The following SCN1A variants were observed in gnomAD, a reference collection of about 807,000 sequenced individuals.
SCN1A encodes the protein sodium voltage-gated channel alpha subunit 1, also known as sodium channel protein type 1 subunit alpha.
In SCN1A, 13 loss-of-function variants were observed where a neutral mutation model predicts 193.7. That is an observed-to-expected ratio of 0.07 (90% CI 0.04 to 0.11). The LOEUF (loss-of-function observed/expected upper bound fraction) is 0.11. SCN1A is among the 10% of genes least tolerant of loss of function. The pLI is 1.00. For missense variants in SCN1A, 1,432 were observed against 2,451.1 expected (o/e 0.58, Z 8.78); for synonymous variants, 781 against 843.6 (o/e 0.93, Z 1.29).
intron 19 of SCN1A, among the ~76,000 whole-genome samples, chr2:166,021,664 A>T (rs1200569991): frequency 1.3e-5 from 2 of 152,196 alleles, no homozygotes; most frequent in Non-Finnish European, 2.9e-5. Flanking sequence ...AAAATGCTAT[A>T]TGCTTAGTCT....
chr2:166,146,964 TA>T (rs1468539594), intron 1 of SCN1A, among the ~76,000 whole-genome samples: 5 of 152,228 alleles, frequency 3.3e-5, no homozygotes, highest in African/African-American at 1.2e-4. Context: ...CTATATACAG[TA>T]AAAACCATTT....
rs1040981487 is a variant in SCN1A at position 165,987,330 on chromosome 2, T to G, written c.*3915A>C. On this transcript the variant is annotated 3_prime_UTR_variant, in exon 29 of 29. Transcript: ENST00000674923. ...TCTGCTGTATTTCTCCAAAGTATAC[T>G]TTCTTCTGTTTAAATTTTCTACTTA... 2.0e-5 allele frequency: 3 copies of G among 152,166 alleles called. No individual in the cohort carries two copies. The highest frequency in any genetic ancestry group is 7.2e-5 in the African/African-American group (3 of 41,454). The allele number at this position is 152,166 out of a possible 1,614,324, so 9.4% of individuals were successfully genotyped here. A position where few individuals can be genotyped will look rare whatever the true frequency, so the allele number is the denominator to read the frequency against.
At chr2:166,075,065 C>A (rs1684857012) in intron 3 of SCN1A, among the ~76,000 whole-genome samples, 1 of 152,080 alleles carries the variant, frequency 6.6e-6, no homozygotes, top group Non-Finnish European at 1.5e-5. Context: ...TCTGGTTCCC[C>A]TACAAGGCAT....
In SCN1A at chr2:165,991,188, C is replaced by T. The variant is rs539532965; in HGVS notation, c.*57G>A. 9.5e-6 allele frequency: 14 copies of T among 1,474,772 alleles called. No individual in the cohort carries two copies. The highest frequency in any genetic ancestry group is 5.6e-5 in the African/African-American group (4 of 71,300). 91.4% of individuals were successfully genotyped at this position (1,474,772 alleles called of 1,614,324 possible). On this transcript the variant is annotated 3_prime_UTR_variant, in exon 29 of 29. Coordinates refer to ENST00000674923, the MANE Select transcript of SCN1A (RefSeq NM_001165963.4). ...TAAAGGAGTCCTGTTGATAAAAATA[C>T]ATCACCTTCACAGGCTGTAAACAAT...
Position 166,096,412 on chromosome 2 carries a change from G to C in SCN1A, c.-141-18611C>G, listed in dbSNP as rs1309468996. Among the ~76,000 whole-genome samples the C allele has an allele frequency of 3.9e-5, 6 of 152,152 alleles. No homozygotes were observed. In the East Asian group the frequency reaches 1.2e-3, roughly 29 times the overall value. ...ATTCTCTGCTTCAGCTTCCCGAGTA[G>C]CTGGGATTACAGGCACCCACCACCA... is the stretch of plus-strand genomic sequence containing the variant. On this transcript the variant is annotated intron_variant, in intron 2 of 28. Coordinates refer to ENST00000674923, the MANE Select transcript of SCN1A (RefSeq NM_001165963.4).
chr2:166,048,793 T>C, intron 10 of SCN1A, 93 bp downstream of exon 10: 1 of 843,116 alleles, frequency 1.2e-6, no homozygotes, highest in Non-Finnish European at 2.0e-6. Context: ...ATTAGTTGGC[T>C]GTTATCTTCA....
At chr2:166,146,105 G>A (rs538661832) in intron 1 of SCN1A, among the ~76,000 whole-genome samples, 1 of 152,236 alleles carries the variant, frequency 6.6e-6, no homozygotes, top group East Asian at 1.9e-4. Context: ...TCACTTGACA[G>A]AGTGGTTAGG....
chr2:166,143,980 G>T (rs540300918), intron 1 of SCN1A, among the ~76,000 whole-genome samples: 1 of 152,262 alleles, frequency 6.6e-6, no homozygotes, highest in South Asian at 2.1e-4. Context: ...CACATTCAAA[G>T]TCTGAGAACA....
At chr2:166,107,980 A>G (rs1228149849) in intron 2 of SCN1A, among the ~76,000 whole-genome samples, 1 of 152,128 alleles carries the variant, frequency 6.6e-6, no homozygotes, top group Non-Finnish European at 1.5e-5. Flanking sequence ...TTTGCCCTTC[A>G]AAAGACAACA....
intron 15 of SCN1A, 72 bp from the exon 16 acceptor site, chr2:166,041,541 AC>A: frequency 9.9e-7 from 1 of 1,013,894 alleles, no homozygotes; most frequent in Non-Finnish European, 1.5e-6. Flanking sequence ...TTTCATATCC[AC>A]TAAACTTATT....
rs745918943 is a variant in SCN1A, at chr2:166,002,465, C to A, written c.4284+7G>T. The A allele has an allele frequency of 2.5e-6, 4 of 1,608,952 alleles. No individual in the cohort carries two copies. In the East Asian group the frequency reaches 6.7e-5, roughly 27 times the overall value. On this transcript the variant is annotated splice_region_variant and intron_variant, in intron 24 of 28. Transcript: ENST00000674923. ...AAAAATATTCAGAGAAAATAGTGTT[C>A]ACTTACAACTTGAAGCAAAGAGAGA...
intron 4 of SCN1A, among the ~76,000 whole-genome samples, chr2:166,068,905 G>A (rs962354497): frequency 6.6e-6 from 1 of 152,078 alleles, no homozygotes; most frequent in South Asian, 2.1e-4. Flanking sequence ...CTGTCACATT[G>A]TTAAAATGAT....
rs184524479 is a variant in SCN1A, at chr2:166,045,101, C to G, written c.1604G>C (p.Arg535Pro). The G allele has an allele frequency of 1.9e-6, 3 of 1,614,128 alleles. No individual in the cohort carries two copies. Among genetic ancestry groups the G allele is most frequent in the South Asian group, 1.1e-5 (1 of 91,078 alleles). ...CAATCGGTTCCCTTCAATGGAGAAGCGAAAACCTTTCCTCCTGATGCTGTC... is the reference window on the plus strand; with the variant it reads ...CAATCGGTTCCCTTCAATGGAGAAGGGAAAACCTTTCCTCCTGATGCTGTC... ...SEDSIRRKGF[R>P]FSIEGNRLTY... is the part of the protein sequence containing the mutation. Residue 535 changes from arginine to proline, a missense_variant, in exon 13 of 29, where the codon CGC (arginine) becomes CCC (proline). By Grantham distance (103) the Arg-to-Pro change is moderately radical. This residue lies in a region of SCN1A where 316 missense variants were observed against 362.1 expected (regional missense o/e 0.87). Transcript: ENST00000674923.
chr2:166,136,174 A>G (rs1390385260), intron 1 of SCN1A, among the ~76,000 whole-genome samples: 1 of 152,182 alleles, frequency 6.6e-6, no homozygotes, highest in Non-Finnish European at 1.5e-5. Flanking sequence ...CATCAAAGTC[A>G]CCTGTATTCC....
chr2:166,045,155 T>C lies in SCN1A; in HGVS notation c.1550A>G (p.Glu517Gly), dbSNP rs866861536. ...KEQSGGEEKD[E>G]DEFQKSESED... ...AGATTCAGATTTTTGGAATTCATCCTCATCTTTCTCTTCCCCACCAGACTG... is the reference window on the plus strand; with the variant it reads ...AGATTCAGATTTTTGGAATTCATCCCCATCTTTCTCTTCCCCACCAGACTG... The change falls in exon 13 of 29, where the codon GAG becomes GGG. Residue 517 changes from glutamate to glycine, a missense_variant. By Grantham distance (98) the Glu-to-Gly change is moderately conservative (BLOSUM62 -2). This residue lies in a region of SCN1A where 316 missense variants were observed against 362.1 expected (regional missense o/e 0.87). Transcript: ENST00000674923. The C allele has an allele frequency of 4.3e-6, 7 of 1,614,178 alleles. No individual in the cohort carries two copies. The highest frequency in any genetic ancestry group is 1.6e-4 in the Middle Eastern group (1 of 6,062).
chr2:165,998,256 G>GA, intron 25 of SCN1A, 81 bp from the exon 26 acceptor site: 1 of 1,188,624 alleles, frequency 8.4e-7, no homozygotes, highest in South Asian at 1.5e-5. Context: ...CATAACAATA[G>GA]AAAAAATTAT....
intron 2 of SCN1A, among the ~76,000 whole-genome samples, chr2:166,124,826 A>T (rs1558899725): frequency 6.6e-6 from 1 of 152,090 alleles, no homozygotes; most frequent in East Asian, 1.9e-4. Context: ...AGTTAATTGA[A>T]CCTCACTGTG....
At chr2:166,001,467 T>C (rs1216481594) in intron 24 of SCN1A, among the ~76,000 whole-genome samples, 1 of 151,764 alleles carries the variant, frequency 6.6e-6, no homozygotes, top group African/African-American at 2.4e-5. Context: ...GTTGGTTTGT[T>C]TGCTTAGTTA....
intron 4 of SCN1A, among the ~76,000 whole-genome samples, chr2:166,069,462 T>C (rs1167672196): frequency 2.6e-5 from 4 of 152,164 alleles, no homozygotes; most frequent in Non-Finnish European, 4.4e-5. Flanking sequence ...ACAAAGAGGA[T>C]AAAAATATGT....
Sources: allele counts gnomAD v4.1 joint callset (sites outside exome capture counted in the v4.1 genomes callset), GRCh38; gene constraint gnomAD v4.1.1; regional missense constraint gnomAD v4.1.1; transcripts MANE v1.5; gene names NCBI Gene and HGNC (gene_info 2026-07-23, HGNC 2026-07-21).